The following NEB variants were observed in gnomAD, a reference collection of about 807,000 sequenced individuals.
NEB encodes the protein nemaline myopathy type 2.
In NEB, 512 loss-of-function variants were observed where a neutral mutation model predicts 952.2. The observed-to-expected ratio is 0.54, with a 90% CI of 0.50 to 0.58. The LOEUF (loss-of-function observed/expected upper bound fraction) is 0.58, where lower values mean the gene tolerates loss of function less well. NEB is among the 20% of genes least tolerant of loss of function. The pLI, the probability that NEB is intolerant of heterozygous loss-of-function variation, is 0.00. For synonymous variants in NEB, 2,900 were observed against 3,149.8 expected (o/e 0.92, Z 2.66); for missense variants, 8,428 against 9,231.1 (o/e 0.91, Z 3.56).
intron 162 of NEB, 62 bp from the exon 163 acceptor site, chr2:151,507,075 C>T: frequency 9.5e-7 from 1 of 1,047,704 alleles, no homozygotes. Flanking sequence ...CTTTATTTGT[C>T]CTATATTATG....
chr2:151,644,440 T>A lies in NEB; in HGVS notation c.7644+28A>T. The stretch of plus-strand genomic sequence containing the variant: ...TTTGAAGTGATAAATTGCAATCAAA[T>A]CAATATCAACAGAGGATAAAATCTT... On this transcript the variant is annotated intron_variant, in intron 56 of 181. Transcript: ENST00000397345. 4 of 1,564,240 alleles carry A rather than the reference T, an allele frequency of 2.6e-6. No individual in the cohort carries two copies. In the South Asian group the frequency reaches 4.5e-5, roughly 17 times the overall value.
chr2:151,535,639 AC>A, intron 142 of NEB, 51 bp downstream of exon 142: 1 of 1,145,588 alleles, frequency 8.7e-7, no homozygotes, highest in South Asian at 1.5e-5. Flanking sequence ...AAACTCTGAG[AC>A]TTCTTTAGGG....
rs533898172 is a variant in NEB, at chr2:151,633,935, G to T, written c.9133C>A (p.Leu3045Ile). The T allele has an allele frequency of 6.2e-7, 1 of 1,613,670 alleles. No homozygotes were observed. Among genetic ancestry groups the T allele is most frequent in the African/African-American group, 1.3e-5 (1 of 75,030 alleles). Residue 3045 changes from leucine (L) to isoleucine (I), a missense_variant, in exon 65 of 182, where the codon CTT becomes ATT. Transcript: ENST00000397345. ...YKYKDGYCKQ[L>I]GHHIGARNIE... The stretch of plus-strand genomic sequence containing the variant: ...TTCCGGGCTCCAATATGGTGGCCAA[G>T]TTGCTTGCAGTAACCATCTTTATAT...
intron 153 of NEB, among the ~76,000 whole-genome samples, chr2:151,523,888 GA>G (rs199790903): frequency 2.7e-5 from 4 of 150,044 alleles, no homozygotes; most frequent in Non-Finnish European, 4.4e-5. Flanking sequence ...TATGTTTAAT[GA>G]AAAAAAAATG....
At chr2:151,601,071 C>A (rs1449439098) in intron 88 of NEB, among the ~76,000 whole-genome samples, 1 of 97,268 alleles carries the variant, frequency 1.0e-5, no homozygotes. Flanking sequence ...CAAATTAATT[C>A]TTTGTTGAAA....
intron 68 of NEB, among the ~76,000 whole-genome samples, chr2:151,628,471 G>A (rs1301087608): frequency 6.6e-6 from 1 of 152,152 alleles, no homozygotes; most frequent in Admixed American, 6.5e-5. Context: ...GTTGTTGGTG[G>A]TGGTAAGGGC....
At chr2:151,689,135 G>T (rs1426621440) in intron 24 of NEB, 1 of 148,048 alleles carries the variant, frequency 6.8e-6, no homozygotes, top group African/African-American at 2.5e-5. Context: ...TGTAATTAAA[G>T]CACTAACAAA....
chr2:151,563,118 AATT>A (rs1194116575), intron 119 of NEB, among the ~76,000 whole-genome samples: 2 of 149,794 alleles, frequency 1.3e-5, no homozygotes, highest in Non-Finnish European at 3.0e-5. Flanking sequence ...GGGTTCAAAT[AATT>A]CTCATGCCTC....
chr2:151,697,194 A>G lies in NEB; in HGVS notation c.1424T>C (p.Ile475Thr), dbSNP rs746112355. 4.3e-6 allele frequency: 7 copies of G among 1,613,604 alleles called. No homozygotes were observed. The highest frequency in any genetic ancestry group is 5.9e-6 in the Non-Finnish European group (7 of 1,179,856). The part of the protein sequence containing the change: ...DRGKGFFPQT[I>T]TQEYEAIKKL... ...CTTAATTGCTTCATATTCTTGAGTTATGGTCTGAGGGAAGAAGCCTTTGCC... is the reference window on the plus strand; with the variant it reads ...CTTAATTGCTTCATATTCTTGAGTTGTGGTCTGAGGGAAGAAGCCTTTGCC... The change falls in exon 16 of 182, where the codon ATA (isoleucine) becomes ACA (threonine). Residue 475 changes from isoleucine (I) to threonine (T), a missense_variant. Physicochemically the swap from Ile to Thr is moderately conservative, Grantham distance 89. Around this residue, in one of 11 missense-constraint regions of NEB, gnomAD observed 2,851 missense variants for 2,791.5 expected, o/e 1.02. Coordinates refer to ENST00000397345, the MANE Select transcript of NEB (RefSeq NM_001164508.2).
chr2:151,631,025 A>G lies in NEB; in HGVS notation c.9618+118T>C, dbSNP rs901253464. On this transcript the variant is annotated intron_variant, in intron 66 of 181. Coordinates refer to ENST00000397345, the MANE Select transcript of NEB (RefSeq NM_001164508.2). ...ATTATTTAGAGGATTTCAAGCATGT[A>G]ATTTAAAAGGTAAAAATGCGACCCC... 9 of 1,374,608 alleles carry G rather than the reference A, an allele frequency of 6.5e-6. No homozygotes were observed. In the Admixed American group the frequency reaches 1.9e-4, roughly 30 times the overall value. The allele number at this position is 1,374,608 out of a possible 1,614,324, so 85.2% of individuals were successfully genotyped here. A position where few individuals can be genotyped will look rare whatever the true frequency, so the allele number is the denominator to read the frequency against.
intron 44 of NEB, 25 bp from the exon 45 acceptor site, chr2:151,663,884 TG>T: frequency 1.3e-6 from 2 of 1,591,830 alleles, no homozygotes; most frequent in African/African-American, 2.7e-5. Context: ...GAAATTATGG[TG>T]ATGAAAATGG....
chr2:151,572,336 T>C (rs1369271652), intron 107 of NEB, among the ~76,000 whole-genome samples: 3 of 151,634 alleles, frequency 2.0e-5, no homozygotes, highest in African/African-American at 7.3e-5. Flanking sequence ...AATAAATAAA[T>C]AAAGTAATTA....
chr2:151,634,178 C>T (rs73967581), intron 64 of NEB, among the ~76,000 whole-genome samples: 11,918 of 152,192 alleles, frequency 0.078, 913 homozygotes, highest in African/African-American at 0.19. Flanking sequence ...AAATCACCTA[C>T]AGCCTGGTAC....
rs1452884492 is a variant in NEB at position 151,644,586 on chromosome 2, A to G, written c.7537-11T>C. The G allele has an allele frequency of 1.2e-6, 2 of 1,600,208 alleles. No individual in the cohort carries two copies. Among genetic ancestry groups the G allele is most frequent in the Non-Finnish European group, 1.7e-6 (2 of 1,167,344 alleles). On this transcript the variant is annotated splice_polypyrimidine_tract_variant and intron_variant, in intron 55 of 181. Coordinates refer to ENST00000397345, the MANE Select transcript of NEB (RefSeq NM_001164508.2). Reference sequence around the variant, plus strand: ...CATTCGGTAGAGTTTCTGTTAAGAAATGAAGATCATTTTGGGAAATACTGT... The same window carrying G: ...CATTCGGTAGAGTTTCTGTTAAGAAGTGAAGATCATTTTGGGAAATACTGT...
At chr2:151,696,884 G>T (rs1340239289) in intron 16 of NEB, 149 bp from the exon 17 acceptor site, 2 of 656,658 alleles carry the variant, frequency 3.0e-6, no homozygotes, top group Non-Finnish European at 5.2e-6. Flanking sequence ...ACTGTAGTTT[G>T]AGAGGTGCTC....
At chr2:151,731,990 A>G (rs1214311867) in intron 3 of NEB, among the ~76,000 whole-genome samples, 1 of 152,204 alleles carries the variant, frequency 6.6e-6, no homozygotes, top group East Asian at 1.9e-4. Flanking sequence ...ATCCTTCAGT[A>G]ATAAAAGCTA....
rs977417031 is a variant in NEB, at chr2:151,656,408, A to C, written c.6240T>G (p.Ser2080Arg). 5.6e-6 allele frequency: 9 copies of C among 1,613,372 alleles called. No homozygotes were observed. The highest frequency in any genetic ancestry group is 5.9e-6 in the Non-Finnish European group (7 of 1,179,520). Residue 2080 changes from serine to arginine, a missense_variant, in exon 49 of 182, where the codon AGT becomes AGG. Ser to Arg is a moderately radical substitution (Grantham distance 110). Transcript: ENST00000397345. Reference sequence around the variant, plus strand: ...GGACTAATTTGGGATCATCCTCGAGACTGCGGAAACCAACCATTTTCCCCT... The same window carrying C: ...GGACTAATTTGGGATCATCCTCGAGCCTGCGGAAACCAACCATTTTCCCCT... ...KGKGKMVGFRSLEDDPKLVHS... is the reference protein window; with the variant it reads ...KGKGKMVGFRRLEDDPKLVHS...
intron 60 of NEB, among the ~76,000 whole-genome samples, chr2:151,641,719 A>AATT (rs1362843655): frequency 1.3e-5 from 2 of 152,164 alleles, no homozygotes; most frequent in Non-Finnish European, 2.9e-5. Flanking sequence ...AATTATGATT[A>AATT]CTTCCCATAT....
chr2:151,693,883 C>T (rs954769067), intron 20 of NEB, among the ~76,000 whole-genome samples: 8 of 151,860 alleles, frequency 5.3e-5, no homozygotes, highest in African/African-American at 1.5e-4. Flanking sequence ...TGAGTTTATG[C>T]CTTATGTAGT....
Sources: allele counts gnomAD v4.1 joint callset (sites outside exome capture counted in the v4.1 genomes callset), GRCh38; gene constraint gnomAD v4.1.1; regional missense constraint gnomAD v4.1.1; transcripts MANE v1.5; gene names NCBI Gene and HGNC (gene_info 2026-07-23, HGNC 2026-07-21).